CTIF: variants seen among roughly 807,000 people sequenced by gnomAD.
CTIF encodes CBP80/20-dependent translation initiation factor.
In CTIF, 21 loss-of-function variants were observed where a neutral mutation model predicts 66.0. The observed-to-expected ratio is 0.32, with a 90% CI of 0.23 to 0.46. The LOEUF is 0.46. CTIF is among the 20% of genes least tolerant of loss of function. The probability of loss-of-function intolerance (pLI) is 1.00; values close to 1 mark genes in which losing one functional copy is unlikely to be tolerated. For missense variants in CTIF, 739 were observed against 812.7 expected, an observed-to-expected ratio of 0.91 and a Z score of 1.10; for synonymous variants, 345 against 326.4, an observed-to-expected ratio of 1.06 and a Z score of -0.62.
chr18:48,763,557 G>A (rs1479079294), intron 9 of CTIF, among the ~76,000 whole-genome samples: 3 of 152,358 alleles, frequency 2.0e-5, no homozygotes, highest in African/African-American at 7.2e-5. Flanking sequence ...GCATTCCCCA[G>A]TTAAGAACTA....
At chr18:48,541,396 G>C (rs1010751009) in intron 1 of CTIF, among the ~76,000 whole-genome samples, 2 of 152,190 alleles carry the variant, frequency 1.3e-5, no homozygotes, top group Non-Finnish European at 2.9e-5. Context: ...CGCCGCTGCT[G>C]GAGCCAGGGC....
intron 7 of CTIF, among the ~76,000 whole-genome samples, chr18:48,755,179 C>T (rs1168186127): frequency 6.6e-6 from 1 of 152,142 alleles, no homozygotes; most frequent in Non-Finnish European, 1.5e-5. Flanking sequence ...TATTATCTGC[C>T]AGGGAATTTC....
intron 1 of CTIF, among the ~76,000 whole-genome samples, chr18:48,610,135 C>T (rs2090279243): frequency 6.6e-6 from 1 of 152,076 alleles, no homozygotes; most frequent in African/African-American, 2.4e-5. Context: ...GCAGGGCCCT[C>T]AAGGATTACG....
At chr18:48,820,276 C>T (rs1052624081) in intron 10 of CTIF, among the ~76,000 whole-genome samples, 22 of 152,156 alleles carry the variant, frequency 1.4e-4, no homozygotes, top group African/African-American at 2.2e-4. Flanking sequence ...TTCGCAGCTC[C>T]GTAGGGACCC....
At chr18:48,855,095 C>T (rs954611987) in intron 10 of CTIF, among the ~76,000 whole-genome samples, 4 of 152,230 alleles carry the variant, frequency 2.6e-5, no homozygotes, top group African/African-American at 4.8e-5. Context: ...CTGGCGCAGG[C>T]GCTCGGCAGG....
At chr18:48,698,032 C>A (rs561862630) in intron 6 of CTIF, among the ~76,000 whole-genome samples, 3 of 139,080 alleles carry the variant, frequency 2.2e-5, no homozygotes, top group African/African-American at 8.1e-5. Flanking sequence ...AGCCAGGAAC[C>A]ATGTGGCACT....
intron 9 of CTIF, among the ~76,000 whole-genome samples, chr18:48,789,891 A>G (rs898845610): frequency 1.3e-5 from 2 of 152,234 alleles, no homozygotes; most frequent in African/African-American, 4.8e-5. Flanking sequence ...GGTGAAGAGT[A>G]TAGATGCTAG....
chr18:48,575,349 C>T (rs1044229626), intron 1 of CTIF, among the ~76,000 whole-genome samples: 1 of 152,238 alleles, frequency 6.6e-6, no homozygotes, highest in Non-Finnish European at 1.5e-5. Context: ...CATCTTCAAC[C>T]CACTGGGATC....
At chr18:48,660,416 AGAT>A (rs1314384262) in intron 3 of CTIF, among the ~76,000 whole-genome samples, 4 of 152,246 alleles carry the variant, frequency 2.6e-5, no homozygotes, top group African/African-American at 4.8e-5. Context: ...GCTGTTCTGC[AGAT>A]GCACGGAAGG....
chr18:48,736,426 A>G (rs1017314062), intron 7 of CTIF, among the ~76,000 whole-genome samples: 3 of 152,184 alleles, frequency 2.0e-5, no homozygotes, highest in African/African-American at 7.2e-5. Flanking sequence ...AGAGCTGTGC[A>G]TAGAAGCTGG....
chr18:48,821,235 C>T (rs1341361660), intron 10 of CTIF, among the ~76,000 whole-genome samples: 2 of 152,252 alleles, frequency 1.3e-5, no homozygotes, highest in Non-Finnish European at 2.9e-5. Context: ...ATCCTCACCC[C>T]AGCCTCTTCA....
intron 1 of CTIF, among the ~76,000 whole-genome samples, chr18:48,579,394 C>G (rs1238781604): frequency 2.0e-5 from 3 of 152,168 alleles, no homozygotes; most frequent in Non-Finnish European, 4.4e-5. Context: ...GACCTGCCTG[C>G]CTCGGCTTCC....
chr18:48,666,472 A>T (rs141095997), intron 5 of CTIF, among the ~76,000 whole-genome samples: 96 of 152,288 alleles, frequency 6.3e-4, no homozygotes, highest in African/African-American at 2.3e-3. Flanking sequence ...GACACCATCC[A>T]ACCCCTAGTT....
At chr18:48,743,653 C>T (rs2092572559) in intron 7 of CTIF, among the ~76,000 whole-genome samples, 3 of 152,174 alleles carry the variant, frequency 2.0e-5, no homozygotes, top group South Asian at 4.1e-4. Context: ...TAAATTTTGC[C>T]TGTATTCATA....
intron 9 of CTIF, among the ~76,000 whole-genome samples, chr18:48,802,327 C>T (rs1052938556): frequency 5.9e-5 from 9 of 152,374 alleles, no homozygotes; most frequent in African/African-American, 1.4e-4. Context: ...TCCAAGCCCT[C>T]GGCCTCTCTC....
chr18:48,629,141 C>A (rs1568086216), intron 2 of CTIF, among the ~76,000 whole-genome samples: 1 of 152,178 alleles, frequency 6.6e-6, no homozygotes, highest in Non-Finnish European at 1.5e-5. Flanking sequence ...GTGCAGCCCC[C>A]ACCTGGCACA....
intron 2 of CTIF, among the ~76,000 whole-genome samples, chr18:48,623,915 A>G (rs71355349): frequency 0.15 from 22,297 of 152,116 alleles, 1,723 homozygotes; most frequent in South Asian, 0.26. Context: ...ACAGATAGAT[A>G]ATACATAGAT....
At chr18:48,702,963 G>A (rs975486988) in intron 6 of CTIF, among the ~76,000 whole-genome samples, 2 of 152,026 alleles carry the variant, frequency 1.3e-5, no homozygotes, top group Non-Finnish European at 2.9e-5. Flanking sequence ...AGCCTCTGCT[G>A]TTAAGACAAG....
intron 3 of CTIF, among the ~76,000 whole-genome samples, chr18:48,646,575 C>T (rs1436494731): frequency 1.3e-5 from 2 of 151,384 alleles, no homozygotes; most frequent in Admixed American, 6.6e-5. Context: ...GGTGAAACAC[C>T]GTCTCAACAA....
Sources: allele counts gnomAD v4.1 joint callset (sites outside exome capture counted in the v4.1 genomes callset), GRCh38; gene constraint gnomAD v4.1.1; transcripts MANE v1.5; gene names NCBI Gene and HGNC (gene_info 2026-07-23, HGNC 2026-07-21).